ITPR1: variants seen among roughly 807,000 people sequenced by gnomAD.
ITPR1 encodes the protein inositol 1,4,5-trisphosphate-gated calcium channel ITPR1.
Under a neutral mutation model 318.4 loss-of-function variants are expected in ITPR1, and 96 were observed. The observed-to-expected ratio is 0.30, with a 90% CI of 0.26 to 0.36. The LOEUF is 0.36. ITPR1 is among the 10% of genes least tolerant of loss of function. The pLI, the probability that ITPR1 is intolerant of heterozygous loss-of-function variation, is 1.00. For missense variants in ITPR1, 2,440 were observed against 3,460.2 expected (o/e 0.71, Z 7.40); for synonymous variants, 1,312 against 1,289.9 (o/e 1.02, Z -0.37).
chr3:4,796,468 C>T (rs985468618), intron 53 of ITPR1, among the ~76,000 whole-genome samples: 11 of 152,268 alleles, frequency 7.2e-5, no homozygotes, highest in South Asian at 4.2e-4. Flanking sequence ...GCTCAGCTGG[C>T]GGCGGCGGAG....
intron 43 of ITPR1, among the ~76,000 whole-genome samples, chr3:4,734,197 A>C (rs369393321): frequency 6.6e-6 from 1 of 152,244 alleles, no homozygotes; most frequent in Admixed American, 6.5e-5. Flanking sequence ...TTTCAAATCC[A>C]AAAATCAATG....
intron 30 of ITPR1, among the ~76,000 whole-genome samples, chr3:4,688,181 G>A (rs1257272954): frequency 6.6e-6 from 1 of 152,096 alleles, no homozygotes; most frequent in Non-Finnish European, 1.5e-5. Context: ...ACTGTGCCCA[G>A]CCCGTCCCTG....
intron 61 of ITPR1, among the ~76,000 whole-genome samples, chr3:4,837,454 T>A (rs963950003): frequency 6.6e-6 from 1 of 152,098 alleles, no homozygotes; most frequent in African/African-American, 2.4e-5. Context: ...ACAGGAATTA[T>A]GCCAGGTGTT....
intron 44 of ITPR1, among the ~76,000 whole-genome samples, chr3:4,761,793 C>T (rs1458059927): frequency 1.3e-5 from 2 of 152,206 alleles, no homozygotes; most frequent in Non-Finnish European, 2.9e-5. Context: ...TCTCTGCTCT[C>T]AGCTCCCACC....
In ITPR1 at chr3:4,660,517, A is replaced by G. The variant is rs1228399456; in HGVS notation, c.1152-471A>G. 4.6e-5 allele frequency among the ~76,000 whole-genome samples: 7 copies of G among 151,732 alleles called. No homozygotes were observed. In the East Asian group the frequency reaches 1.2e-3, roughly 25 times the overall value. On this transcript the variant is annotated intron_variant, in intron 13 of 61. Transcript: ENST00000649015. ...TTTACTTTTAAAATTTAGGAATCTTATATTTTGTTATATGATTCAAAAGGC... is the reference window on the plus strand; with the variant it reads ...TTTACTTTTAAAATTTAGGAATCTTGTATTTTGTTATATGATTCAAAAGGC...
rs1269452107 is a variant in ITPR1 at position 4,657,392 on chromosome 3, TTTTTG to T, written c.997-727_997-723del. 9.9e-5 allele frequency among the ~76,000 whole-genome samples: 15 copies of T among 151,504 alleles called. No homozygotes were observed. The South Asian group carries it at 2.7e-3, about 27-fold the overall frequency. On this transcript the variant is annotated intron_variant, in intron 12 of 61. Transcript: ENST00000649015. ...GCGGATGGATGTACCTAGAGTTTTT[TTTTTG>T]TTTTTTTTTTTTAATCATCTGGAGC...
rs186168939 is a variant in ITPR1 at position 4,816,730 on chromosome 3, A to G, written c.7868-1352A>G. ...TCATTTGGTTAAGGTGCTAATTGCC[A>G]GGTTTTTCCAGTAACTCCATAAAGT... On this transcript the variant is annotated intron_variant, in intron 59 of 61. Transcript: ENST00000649015. Among the ~76,000 whole-genome samples, 87 of 152,332 alleles carry G rather than the reference A, an allele frequency of 5.7e-4. 3 individuals are homozygous for G. In the South Asian group the frequency reaches 0.017, roughly 31 times the overall value.
chr3:4,643,591 G>GT (rs898058374), intron 7 of ITPR1, among the ~76,000 whole-genome samples: 5 of 50,858 alleles, frequency 9.8e-5, no homozygotes, highest in African/African-American at 2.3e-4. Flanking sequence ...GATAAGTATT[G>GT]TTTTTTTGGG....
chr3:4,783,866 A>G lies in ITPR1; in HGVS notation c.6561A>G (p.Gln2187=), dbSNP rs1369061682. The G allele has an allele frequency of 6.2e-7, 1 of 1,610,688 alleles. No individual in the cohort carries two copies. Among genetic ancestry groups the G allele is most frequent in the Non-Finnish European group, 8.5e-7 (1 of 1,178,528 alleles). Reference sequence around the variant, plus strand: ...AGAGCATGCTGAAACCTGGTGGCCAAGTGGACGGAGATGAAGCCCTGGAGT... The same window carrying G: ...AGAGCATGCTGAAACCTGGTGGCCAGGTGGACGGAGATGAAGCCCTGGAGT... ...ELQSMLKPGG[Q]VDGDEALEFY... is the part of the protein sequence containing the mutation. Residue 2187 remains glutamine, a synonymous_variant, in exon 51 of 62, where the codon CAA becomes CAG. Transcript: ENST00000649015.
chr3:4,708,889 A>G (rs1033625951), intron 37 of ITPR1, among the ~76,000 whole-genome samples: 1 of 152,224 alleles, frequency 6.6e-6, no homozygotes, highest in East Asian at 1.9e-4. Flanking sequence ...ACTTAATGCT[A>G]GCATCTTTCC....
At position 4,710,288 on chromosome 3, in the gene ITPR1, G is replaced by A; in HGVS notation, c.4843-37G>A. 6.6e-7 allele frequency: 1 copy of A among 1,505,008 alleles called. No individual in the cohort carries two copies. Among genetic ancestry groups the A allele is most frequent in the Non-Finnish European group, 8.9e-7 (1 of 1,118,392 alleles). 93.2% of individuals were successfully genotyped at this position (1,505,008 alleles called of 1,614,324 possible). A position where few individuals can be genotyped will look rare whatever the true frequency, so the allele number is the denominator to read the frequency against. Reference sequence around the variant, plus strand: ...CCTCACCCTCCTGTGGTCAGCGTCTGCCTGAGCCGTTGACTGAGGCTGTGT... The same window carrying A: ...CCTCACCCTCCTGTGGTCAGCGTCTACCTGAGCCGTTGACTGAGGCTGTGT... On this transcript the variant is annotated intron_variant, in intron 37 of 61. Coordinates refer to ENST00000649015, the MANE Select transcript of ITPR1 (RefSeq NM_001378452.1). The surrounding 1 kb of genome is among the most constrained non-coding windows in gnomAD (Gnocchi z 4.2).
chr3:4,557,026 AT>A (rs1466417171), intron 4 of ITPR1, among the ~76,000 whole-genome samples: 1 of 152,170 alleles, frequency 6.6e-6, no homozygotes, highest in Non-Finnish European at 1.5e-5. Context: ...ATGTAGTAAG[AT>A]TTTTACAGCC....
intron 4 of ITPR1, among the ~76,000 whole-genome samples, chr3:4,551,360 T>C (rs1440484030): frequency 6.6e-6 from 1 of 152,284 alleles, no homozygotes; most frequent in East Asian, 1.9e-4. Context: ...GGTGCTGAGA[T>C]TGAGATGTGA....
intron 4 of ITPR1, among the ~76,000 whole-genome samples, chr3:4,536,081 A>G (rs1210977579): frequency 6.6e-6 from 1 of 152,164 alleles, no homozygotes; most frequent in African/African-American, 2.4e-5. Flanking sequence ...ATTTCAGGAC[A>G]AAGAGGTTTC....
chr3:4,694,864 A>G (rs905165169), intron 33 of ITPR1, among the ~76,000 whole-genome samples: 2 of 152,222 alleles, frequency 1.3e-5, no homozygotes, highest in Non-Finnish European at 2.9e-5. Context: ...AAAGTCTTAT[A>G]ATCTGTTTTC....
chr3:4,568,756 G>C (rs149382339), intron 4 of ITPR1, among the ~76,000 whole-genome samples: 405 of 152,282 alleles, frequency 2.7e-3, no homozygotes, highest in African/African-American at 9.5e-3. Context: ...TCCAGATGAG[G>C]CTGAAAATGT....
At chr3:4,614,421 GTTT>G (rs1280861083) in intron 4 of ITPR1, among the ~76,000 whole-genome samples, 1 of 152,176 alleles carries the variant, frequency 6.6e-6, no homozygotes, top group African/African-American at 2.4e-5. Context: ...TTTATTGAAT[GTTT>G]ACTCTGTGCC....
At chr3:4,526,245 A>T (rs2082968278) in intron 4 of ITPR1, among the ~76,000 whole-genome samples, 1 of 152,218 alleles carries the variant, frequency 6.6e-6, no homozygotes, top group African/African-American at 2.4e-5. Flanking sequence ...TTACAGTTCA[A>T]AATGAGGAGA....
chr3:4,836,517 C>A (rs1181352959), intron 60 of ITPR1, among the ~76,000 whole-genome samples: 1 of 152,136 alleles, frequency 6.6e-6, no homozygotes, highest in African/African-American at 2.4e-5. Flanking sequence ...GATTAGGACT[C>A]TTGTTTAGAA....
Sources: gnomAD v4.1 joint callset for allele counts (sites outside exome capture counted in the v4.1 genomes callset) on GRCh38, gnomAD v4.1.1 for gene constraint, Gnocchi (gnomAD v3.1) non-coding constraint, MANE v1.5 for transcripts, NCBI Gene and HGNC (gene_info 2026-07-23, HGNC 2026-07-21) for gene names.